Variants in ZNF583 observed in about 807,000 individuals in gnomAD.
ZNF583 encodes the protein zinc finger protein L3-5.
ZNF583 carries 30 observed loss-of-function variants against 55.3 expected under a neutral mutation model. The observed-to-expected ratio is 0.54, with a 90% CI of 0.41 to 0.74. ZNF583 has a LOEUF of 0.74. Ranked by LOEUF, ZNF583 falls within the 30% of genes least tolerant of loss-of-function variation. The pLI, the probability that ZNF583 is intolerant of heterozygous loss-of-function variation, is 0.00. For synonymous variants in ZNF583, 208 were observed against 220.0 expected, an observed-to-expected ratio of 0.95 and a Z score of 0.48; for missense variants, 504 against 664.7, an observed-to-expected ratio of 0.76 and a Z score of 2.66.
chr19:56,424,532 T>A lies in ZNF583; in HGVS notation c.*164T>A, dbSNP rs2147620169. 3 of 529,942 alleles carry A rather than the reference T, an allele frequency of 5.7e-6. No homozygotes were observed. Among genetic ancestry groups the A allele is most frequent in the African/African-American group, 1.9e-5 (1 of 52,548 alleles). 32.8% of individuals were successfully genotyped at this position (529,942 alleles called of 1,614,324 possible). On this transcript the variant is annotated 3_prime_UTR_variant, in exon 5 of 5. Transcript: ENST00000333201. ...CACATTGCAACCAAATTTGTATTTT[T>A]AAAAATATGTTTAATCTCATTTCTC...
chr19:56,405,061 G>A (rs1267836944), intron 1 of ZNF583, among the ~76,000 whole-genome samples: 1 of 152,132 alleles, frequency 6.6e-6, no homozygotes, highest in Admixed American at 6.5e-5. Context: ...CCGTGTGTGA[G>A]GCTATGTGTG....
Position 56,423,962 on chromosome 19 carries a change from C to G in ZNF583, c.1304C>G (p.Pro435Arg), listed in dbSNP as rs756344880. The G allele has an allele frequency of 1.2e-5, 19 of 1,613,866 alleles. No homozygotes were observed. Among genetic ancestry groups the G allele is most frequent in the African/African-American group, 1.3e-5 (1 of 74,862 alleles). Reference sequence around the variant, plus strand: ...CAGAGGGTTCATACTGGAGAGAAACCCTATGAATGTATTGAATGTGGGAAG... The same window carrying G: ...CAGAGGGTTCATACTGGAGAGAAACGCTATGAATGTATTGAATGTGGGAAG... Reference protein sequence around the residue: ...QHQRVHTGEKPYECIECGKAF... With the variant: ...QHQRVHTGEKRYECIECGKAF... The change falls in exon 5 of 5, where the codon CCC (proline) becomes CGC (arginine). Residue 435 changes from proline to arginine, a missense_variant. Transcript: ENST00000333201.
Position 56,423,259 on chromosome 19 carries a change from A to G in ZNF583, c.601A>G (p.Lys201Glu), listed in dbSNP as rs755775275. 12 of 1,610,210 alleles carry G rather than the reference A, an allele frequency of 7.5e-6. No homozygotes were observed. The highest frequency in any genetic ancestry group is 1.7e-5 in the Admixed American group (1 of 59,106). ...KSYRKKSVEM[K>E]HRKVYVEKKL... ...TTACCGAAAAAAATCTGTTGAAATGAAACATAGGAAAGTCTATGTAGAAAA... is the reference window on the plus strand; with the variant it reads ...TTACCGAAAAAAATCTGTTGAAATGGAACATAGGAAAGTCTATGTAGAAAA... The change falls in exon 5 of 5, where the codon AAA (lysine) becomes GAA (glutamate). Residue 201 changes from lysine (K) to glutamate (E), a missense_variant. Physicochemically the swap from Lys to Glu is moderately conservative, Grantham distance 56. Around this residue, in one of 3 missense-constraint regions of ZNF583, gnomAD observed 204 missense variants for 235.2 expected, o/e 0.87. Coordinates refer to ENST00000333201, the MANE Select transcript of ZNF583 (RefSeq NM_152478.3).
intron 4 of ZNF583, among the ~76,000 whole-genome samples, chr19:56,418,353 T>C (rs773683227): frequency 4.6e-5 from 7 of 152,132 alleles, no homozygotes; most frequent in Non-Finnish European, 8.8e-5. Context: ...TTTGGAAGGA[T>C]TGCTTGAGTC....
rs922679237 is a variant in ZNF583 at position 56,418,534 on chromosome 19, AT to A, written c.232+4102del. Among the ~76,000 whole-genome samples the A allele has an allele frequency of 6.6e-5, 10 of 152,204 alleles. No individual in the cohort carries two copies. The East Asian group carries it at 9.6e-4, about 15-fold the overall frequency. ...TTTTTTGAGTGCTATAATAAATAGA[AT>A]TTTTTTTAACAATTCAGTTTTCTAA... On this transcript the variant is annotated intron_variant, in intron 4 of 4. Transcript: ENST00000333201.
chr19:56,409,378 T>C (rs2147559245), intron 2 of ZNF583, among the ~76,000 whole-genome samples: 1 of 152,254 alleles, frequency 6.6e-6, no homozygotes, highest in Admixed American at 6.5e-5. Context: ...GCTGAAAGTA[T>C]GATGTGTAGA....
At chr19:56,407,187 T>A in intron 2 of ZNF583, 64 bp downstream of exon 2, 2 of 1,591,880 alleles carry the variant, frequency 1.3e-6, no homozygotes, top group South Asian at 2.2e-5. Flanking sequence ...ATACGAACAT[T>A]TTGTTTTTCT....
At chr19:56,418,670 C>T (rs773988794) in intron 4 of ZNF583, among the ~76,000 whole-genome samples, 1 of 152,068 alleles carries the variant, frequency 6.6e-6, no homozygotes, top group African/African-American at 2.4e-5. Context: ...TTTGTAGGTC[C>T]ATGAGGATTT....
Position 56,423,176 on chromosome 19 carries a change from T to G in ZNF583, c.518T>G (p.Ile173Arg), listed in dbSNP as rs964330456. Residue 173 changes from isoleucine (I) to arginine (R), a missense_variant, in exon 5 of 5, where the codon ATA (isoleucine) becomes AGA (arginine). By Grantham distance (97) the Ile-to-Arg change is moderately conservative (BLOSUM62 -3). This residue lies in a region of ZNF583 where 204 missense variants were observed against 235.2 expected (regional missense o/e 0.87). Coordinates refer to ENST00000333201, the MANE Select transcript of ZNF583 (RefSeq NM_152478.3). ...QTFHQDTIFD[I>R]QQSFPTKEKA... is the part of the protein sequence containing the mutation. ...TTCCACCAGGATACAATCTTTGATATACAACAGAGTTTTCCCACCAAAGAA... is the reference window on the plus strand; with the variant it reads ...TTCCACCAGGATACAATCTTTGATAGACAACAGAGTTTTCCCACCAAAGAA... The G allele has an allele frequency of 7.4e-6, 12 of 1,612,944 alleles. No homozygotes were observed. The highest frequency in any genetic ancestry group is 1.3e-5 in the African/African-American group (1 of 74,884).
At chr19:56,409,028 G>C (rs1382536658) in intron 2 of ZNF583, among the ~76,000 whole-genome samples, 2 of 149,780 alleles carry the variant, frequency 1.3e-5, no homozygotes, top group African/African-American at 2.5e-5. Context: ...ATTTCATTTA[G>C]ATTGTTGTTC....
At position 56,414,083 on chromosome 19, in the gene ZNF583, T is replaced by C; in HGVS notation, c.134T>C (p.Leu45Ser). ...GAGAACTACAGGAGCTTGGTATCAT[T>C]GGGTAAGGACATGTCCCCTTAATTC... is the stretch of plus-strand genomic sequence containing the variant. ...MLENYRSLVS[L>S]GVSVSKPDVI... is the part of the protein sequence containing the mutation. Residue 45 changes from leucine (L) to serine (S), a missense_variant and splice_region_variant, in exon 3 of 5, where the codon TTG (leucine) becomes TCG (serine). Leu to Ser is a moderately radical substitution (Grantham distance 145). Transcript: ENST00000333201. The C allele has an allele frequency of 6.3e-7, 1 of 1,590,246 alleles. No homozygotes were observed. The highest frequency in any genetic ancestry group is 1.3e-5 in the African/African-American group (1 of 74,212).
intron 4 of ZNF583, among the ~76,000 whole-genome samples, chr19:56,416,364 C>T (rs2042322854): frequency 6.7e-6 from 1 of 149,974 alleles, no homozygotes; most frequent in Non-Finnish European, 1.5e-5. Context: ...TTAGGTTGCT[C>T]TACTCATAAA....
At chr19:56,420,813 T>C (rs1021826697) in intron 4 of ZNF583, among the ~76,000 whole-genome samples, 2 of 152,188 alleles carry the variant, frequency 1.3e-5, no homozygotes, top group African/African-American at 4.8e-5. Flanking sequence ...CAGCATATAA[T>C]TGTGTCTTTC....
intron 4 of ZNF583, among the ~76,000 whole-genome samples, chr19:56,420,079 A>G (rs1230827547): frequency 2.0e-5 from 3 of 151,946 alleles, no homozygotes; most frequent in Non-Finnish European, 4.4e-5. Flanking sequence ...AAAACTGTAG[A>G]TTTTTCCTTT....
chr19:56,411,627 A>G (rs914823357), intron 2 of ZNF583, among the ~76,000 whole-genome samples: 4 of 152,240 alleles, frequency 2.6e-5, no homozygotes, highest in African/African-American at 9.6e-5. Flanking sequence ...TTTGAGTTAC[A>G]GTAGAATTGA....
At chr19:56,420,537 G>A (rs144086668) in intron 4 of ZNF583, among the ~76,000 whole-genome samples, 304 of 152,184 alleles carry the variant, frequency 2.0e-3, no homozygotes, top group African/African-American at 6.6e-3. Flanking sequence ...ATGACTATAG[G>A]ATTACCTATT....
At chr19:56,417,049 T>C (rs2042337269) in intron 4 of ZNF583, among the ~76,000 whole-genome samples, 1 of 152,242 alleles carries the variant, frequency 6.6e-6, no homozygotes, top group South Asian at 2.1e-4. Context: ...AATTTATCTG[T>C]ATTGTTGCAT....
In ZNF583 at chr19:56,407,066, C is replaced by A; in HGVS notation, c.-49C>A. 3 of 1,612,184 alleles carry A rather than the reference C, an allele frequency of 1.9e-6. No individual in the cohort carries two copies. Among genetic ancestry groups the A allele is most frequent in the Non-Finnish European group, 2.5e-6 (3 of 1,178,820 alleles). On this transcript the variant is annotated 5_prime_UTR_variant, in exon 2 of 5. The change creates a new upstream start codon in the 5' untranslated region. Transcript: ENST00000333201. ...ATACTGTCCCTCTCCCACAGAGGAG[C>A]TGAAGGAGTAGGACAGAAGAACTGT...
chr19:56,415,600 G>T (rs1218931246), intron 4 of ZNF583, among the ~76,000 whole-genome samples: 1 of 152,108 alleles, frequency 6.6e-6, no homozygotes, highest in African/African-American at 2.4e-5. Flanking sequence ...TTTTAGATGA[G>T]GTCTTGACCT....
Sources: gnomAD v4.1 joint callset for allele counts (sites outside exome capture counted in the v4.1 genomes callset) on GRCh38, gnomAD v4.1.1 for gene constraint, gnomAD v4.1.1 regional missense constraint, MANE v1.5 for transcripts, NCBI Gene and HGNC (gene_info 2026-07-23, HGNC 2026-07-21) for gene names.